PRKN: variants seen among roughly 807,000 people sequenced by gnomAD.
PRKN encodes E3 ubiquitin-protein ligase parkin.
In PRKN, 56 loss-of-function variants were observed where a neutral mutation model predicts 59.5. The ratio of observed to expected loss-of-function variants is 0.94; its 90% CI spans 0.76 to 1.18. PRKN has a LOEUF of 1.18. Among genes scored for constraint, PRKN ranks in the 50% most tolerant of loss-of-function variants. PRKN has a pLI of 0.00. For synonymous variants in PRKN, 250 were observed against 222.1 expected, an observed-to-expected ratio of 1.13 and a Z score of -1.12; for missense variants, 657 against 596.4, an observed-to-expected ratio of 1.10 and a Z score of -1.06.
At chr6:162,583,504 G>A (rs1780870488) in intron 1 of PRKN, among the ~76,000 whole-genome samples, 2 of 152,180 alleles carry the variant, frequency 1.3e-5, no homozygotes, top group African/African-American at 4.8e-5. Context: ...GGCTGGTGCT[G>A]GGAGAACAGG....
rs184065401 is a variant in PRKN, at chr6:162,370,106, T to C, written c.171+73204A>G. On this transcript the variant is annotated intron_variant, in intron 2 of 11. Coordinates refer to ENST00000366898, the MANE Select transcript of PRKN (RefSeq NM_004562.3). ...AAGCTTTTCTCTCCATAGAAAAAGC[T>C]TAACAGCAAATTTCACTGTAGTCGA... Among the ~76,000 whole-genome samples the C allele has an allele frequency of 3.3e-5, 5 of 152,322 alleles. No individual in the cohort carries two copies. The East Asian group carries it at 9.7e-4, about 29-fold the overall frequency.
chr6:162,264,152 C>A (rs1780020104), intron 2 of PRKN, among the ~76,000 whole-genome samples: 1 of 152,084 alleles, frequency 6.6e-6, no homozygotes, highest in African/African-American at 2.4e-5. Flanking sequence ...TGGCATGTAC[C>A]TGTAATCCCA....
chr6:161,836,542 T>C (rs568497614), intron 6 of PRKN, among the ~76,000 whole-genome samples: 18 of 152,324 alleles, frequency 1.2e-4, no homozygotes, highest in Non-Finnish European at 2.4e-4. Flanking sequence ...TCCTCTTTAA[T>C]ACACAGATGC....
In PRKN at chr6:161,395,666, G is replaced by C. The variant is rs1786722541; in HGVS notation, c.1084-8789C>G. Among the ~76,000 whole-genome samples the C allele has an allele frequency of 6.6e-6, 1 of 152,166 alleles. No individual in the cohort carries two copies. Among genetic ancestry groups the C allele is most frequent in the Admixed American group, 6.5e-5 (1 of 15,282 alleles). ...TTAAAAGAATATCAAATACATCCCA[G>C]CACTTTTGCTAAGACCTTCTTTATA... is the stretch of plus-strand genomic sequence containing the variant. On this transcript the variant is annotated intron_variant, in intron 9 of 11. Transcript: ENST00000366898. The surrounding 1 kb of genome is among the most constrained non-coding windows in gnomAD (Gnocchi z 5.0).
chr6:162,397,902 T>G (rs1046674356), intron 2 of PRKN, among the ~76,000 whole-genome samples: 27 of 151,968 alleles, frequency 1.8e-4, no homozygotes, highest in Admixed American at 5.9e-4. Context: ...CTGGGCATGG[T>G]GACTCCCACC....
intron 6 of PRKN, among the ~76,000 whole-genome samples, chr6:161,886,166 A>T (rs566913643): frequency 1.2e-4 from 18 of 152,344 alleles, no homozygotes; most frequent in Middle Eastern, 3.4e-3. Context: ...ATATCACATT[A>T]TGTAAAAAAT....
At chr6:162,323,680 G>T (rs1051413814) in intron 2 of PRKN, among the ~76,000 whole-genome samples, 7 of 151,918 alleles carry the variant, frequency 4.6e-5, no homozygotes, top group Admixed American at 4.6e-4. Context: ...TTAGGGAAAC[G>T]CAAAATAAAA....
intron 1 of PRKN, among the ~76,000 whole-genome samples, chr6:162,528,452 T>C (rs1778381457): frequency 6.6e-6 from 1 of 151,736 alleles, no homozygotes; most frequent in African/African-American, 2.4e-5. Flanking sequence ...TTACAGAAAA[T>C]AGTCATTAAA....
At chr6:161,660,447 C>T (rs1430457471) in intron 7 of PRKN, among the ~76,000 whole-genome samples, 4 of 152,036 alleles carry the variant, frequency 2.6e-5, no homozygotes, top group South Asian at 4.2e-4. Context: ...AAGGAAAAAA[C>T]AGGGATGGAA....
chr6:161,975,108 G>C (rs1312694511), intron 5 of PRKN, among the ~76,000 whole-genome samples: 1 of 37,430 alleles, frequency 2.7e-5, no homozygotes, highest in African/African-American at 1.1e-4. Context: ...TTTTTTTTTT[G>C]AGACGGAGTC....
intron 4 of PRKN, among the ~76,000 whole-genome samples, chr6:162,140,858 G>A (rs1781748392): frequency 6.6e-6 from 1 of 152,206 alleles, no homozygotes; most frequent in African/African-American, 2.4e-5. Flanking sequence ...GCCGGGTGCA[G>A]TGGCTCACGC....
chr6:161,411,039 A>T (rs955956385), intron 9 of PRKN, among the ~76,000 whole-genome samples: 11 of 152,180 alleles, frequency 7.2e-5, no homozygotes, highest in African/African-American at 2.7e-4. Context: ...AAAAAACCTA[A>T]TATTATCAGC....
At chr6:161,744,605 G>C (rs1253289637) in intron 7 of PRKN, among the ~76,000 whole-genome samples, 1 of 152,210 alleles carries the variant, frequency 6.6e-6, no homozygotes, top group Non-Finnish European at 1.5e-5. Flanking sequence ...TGATGACTAG[G>C]AGGTGGATTA....
chr6:162,384,625 G>A (rs185114123), intron 2 of PRKN, among the ~76,000 whole-genome samples: 18 of 141,794 alleles, frequency 1.3e-4, no homozygotes, highest in Non-Finnish European at 2.1e-4. Context: ...TTGATACAGG[G>A]TTGCCACAAA....
chr6:162,355,765 A>C (rs1784833176), intron 2 of PRKN, among the ~76,000 whole-genome samples: 1 of 151,708 alleles, frequency 6.6e-6, no homozygotes, highest in South Asian at 2.1e-4. Flanking sequence ...CATCTCAGGG[A>C]CCCTGAGTGA....
At chr6:161,704,141 C>T (rs1006894736) in intron 7 of PRKN, among the ~76,000 whole-genome samples, 13 of 152,086 alleles carry the variant, frequency 8.5e-5, no homozygotes, top group African/African-American at 3.1e-4. Context: ...CAGGTGTTAG[C>T]CACCACGCCC....
At chr6:161,892,161 C>T (rs867650762) in intron 6 of PRKN, among the ~76,000 whole-genome samples, 1 of 152,088 alleles carries the variant, frequency 6.6e-6, no homozygotes, top group Non-Finnish European at 1.5e-5. Context: ...GGGCTGGGTA[C>T]AGGGGCTCAT....
intron 2 of PRKN, among the ~76,000 whole-genome samples, chr6:162,390,375 G>GTATATATATATATATATA (rs369827763): frequency 7.7e-4 from 76 of 98,754 alleles, no homozygotes; most frequent in East Asian, 1.5e-3. Context: ...TACTGCTAAG[G>GTATATATATATATATATA]TATATATATA....
chr6:161,432,533 T>C (rs921972828), intron 9 of PRKN, among the ~76,000 whole-genome samples: 2 of 108,692 alleles, frequency 1.8e-5, no homozygotes, highest in Non-Finnish European at 3.9e-5. Flanking sequence ...GCCCAGCTAA[T>C]TTTTTTTTTT....
Sources: allele counts gnomAD v4.1 joint callset (sites outside exome capture counted in the v4.1 genomes callset), GRCh38; gene constraint gnomAD v4.1.1; non-coding constraint Gnocchi (gnomAD v3.1); transcripts MANE v1.5; gene names NCBI Gene and HGNC (gene_info 2026-07-23, HGNC 2026-07-21).